ATP9A: variants seen among roughly 807,000 people sequenced by gnomAD.
ATP9A encodes the protein probable phospholipid-transporting ATPase IIA.
A neutral mutation model predicts 144.1 loss-of-function variants in ATP9A; 52 were observed. That is an observed-to-expected ratio of 0.36 (90% CI 0.29 to 0.45). The LOEUF (loss-of-function observed/expected upper bound fraction) is 0.45. Ranked by LOEUF, ATP9A falls within the 20% of genes least tolerant of loss-of-function variation. The probability of loss-of-function intolerance (pLI) is 1.00; values close to 1 mark genes in which losing one functional copy is unlikely to be tolerated. For missense variants in ATP9A, 947 were observed against 1,392.7 expected (o/e 0.68, Z 5.09); for synonymous variants, 582 against 557.4 (o/e 1.04, Z -0.62).
rs1450063658 is a variant in ATP9A at position 51,598,134 on chromosome 20, AAATTACTCAAGATGG to A, written c.*3062_*3076del. 3 of 147,426 alleles carry A rather than the reference AAATTACTCAAGATGG, an allele frequency of 2.0e-5. No individual in the cohort carries two copies. Among genetic ancestry groups the A allele is most frequent in the African/African-American group, 7.5e-5 (3 of 39,792 alleles). 9.1% of individuals were successfully genotyped at this position (147,426 alleles called of 1,614,324 possible). A position where few individuals can be genotyped will look rare whatever the true frequency, so the allele number is the denominator to read the frequency against. ...GAGGATCAAAACTGTCCCACATAAG[AAATTACTCAAGATGG>A]AAAAACTAGTCTGGTGATTTTCTTA... On this transcript the variant is annotated 3_prime_UTR_variant, in exon 28 of 28. Coordinates refer to ENST00000338821, the MANE Select transcript of ATP9A (RefSeq NM_006045.3).
chr20:51,615,634 CTTTTA>C (rs1022784371), intron 22 of ATP9A, among the ~76,000 whole-genome samples: 2 of 152,040 alleles, frequency 1.3e-5, no homozygotes, highest in Admixed American at 6.6e-5. Flanking sequence ...CTTCTAGATT[CTTTTA>C]TTTTATGTTA....
intron 3 of ATP9A, among the ~76,000 whole-genome samples, chr20:51,721,800 C>CAAAAAAA (rs1159903304): frequency 1.2e-5 from 1 of 86,866 alleles, no homozygotes. Flanking sequence ...GACTCCATCT[C>CAAAAAAA]AAAAAAAAAA....
intron 1 of ATP9A, among the ~76,000 whole-genome samples, chr20:51,738,647 T>C (rs1601137990): frequency 6.6e-6 from 1 of 151,442 alleles, no homozygotes; most frequent in Non-Finnish European, 1.5e-5. Flanking sequence ...GAGGCGGAGG[T>C]TGCAGTGAGC....
At chr20:51,752,206 T>C (rs2077835500) in intron 1 of ATP9A, among the ~76,000 whole-genome samples, 1 of 152,226 alleles carries the variant, frequency 6.6e-6, no homozygotes, top group African/African-American at 2.4e-5. Flanking sequence ...GACCCTGGAC[T>C]AGTTAATTAA....
intron 14 of ATP9A, among the ~76,000 whole-genome samples, chr20:51,648,446 A>G (rs1230026115): frequency 6.6e-6 from 1 of 152,238 alleles, no homozygotes; most frequent in Non-Finnish European, 1.5e-5. Context: ...TATGATAGCC[A>G]AAAGGGGGAA....
At chr20:51,686,706 A>C (rs886330915) in intron 9 of ATP9A, among the ~76,000 whole-genome samples, 7 of 152,152 alleles carry the variant, frequency 4.6e-5, no homozygotes, top group African/African-American at 1.4e-4. Context: ...AGGCCGAGGC[A>C]GGTGGATCAC....
chr20:51,669,338 G>A (rs1046296787), intron 13 of ATP9A, among the ~76,000 whole-genome samples: 6 of 152,194 alleles, frequency 3.9e-5, no homozygotes, highest in African/African-American at 1.4e-4. Flanking sequence ...ATATTTGCCA[G>A]TAATACTTTC....
At chr20:51,660,114 A>G (rs534306962) in intron 13 of ATP9A, among the ~76,000 whole-genome samples, 7 of 152,352 alleles carry the variant, frequency 4.6e-5, no homozygotes, top group African/African-American at 1.4e-4. Context: ...GGTTCTAGCC[A>G]CGAACACGTG....
At chr20:51,671,775 C>T (rs1314832166) in intron 11 of ATP9A, among the ~76,000 whole-genome samples, 1 of 152,022 alleles carries the variant, frequency 6.6e-6, no homozygotes, top group African/African-American at 2.4e-5. Context: ...GCAACCAGCA[C>T]TCTACTTACA....
In ATP9A at chr20:51,598,895, C is replaced by T. The variant is rs1433646735; in HGVS notation, c.*2316G>A. ...CTTCTCACCCTTGACCGCCTCCGCC[C>T]CAGTGCGGCTGAGACAACAGAGTAA... On this transcript the variant is annotated 3_prime_UTR_variant, in exon 28 of 28. Transcript: ENST00000338821. 6.6e-6 allele frequency: 1 copy of T among 152,254 alleles called. No individual in the cohort carries two copies. The highest frequency in any genetic ancestry group is 1.5e-5 in the Non-Finnish European group (1 of 68,062). The allele number at this position is 152,254 out of a possible 1,614,324, so 9.4% of individuals were successfully genotyped here. A position where few individuals can be genotyped will look rare whatever the true frequency, so the allele number is the denominator to read the frequency against.
chr20:51,736,601 G>A (rs1286127777), intron 1 of ATP9A, among the ~76,000 whole-genome samples: 1 of 150,330 alleles, frequency 6.7e-6, no homozygotes, highest in Admixed American at 6.7e-5. Flanking sequence ...CTATCCTCCT[G>A]ACTCTTGCTT....
intron 13 of ATP9A, among the ~76,000 whole-genome samples, chr20:51,664,061 G>A (rs2426364): frequency 0.052 from 7,860 of 152,054 alleles, 275 homozygotes; most frequent in Admixed American, 0.087. Context: ...TGTCATCCAG[G>A]CTGGGTGCAG....
At chr20:51,707,072 G>C (rs1416368319) in intron 4 of ATP9A, among the ~76,000 whole-genome samples, 2 of 152,146 alleles carry the variant, frequency 1.3e-5, no homozygotes, top group Admixed American at 6.6e-5. Flanking sequence ...GCCGTCACAG[G>C]CTGCAGCTTT....
intron 3 of ATP9A, among the ~76,000 whole-genome samples, chr20:51,714,158 G>C (rs2077651851): frequency 6.6e-6 from 1 of 151,904 alleles, no homozygotes; most frequent in Admixed American, 6.6e-5. Context: ...GCCCACCTCA[G>C]CCTCCCAAAG....
intron 27 of ATP9A, among the ~76,000 whole-genome samples, chr20:51,603,863 C>A (rs1347337450): frequency 3.9e-5 from 6 of 152,188 alleles, no homozygotes; most frequent in Non-Finnish European, 7.3e-5. Flanking sequence ...TCACTGCAAC[C>A]TTCGCCTCCC....
chr20:51,731,008 A>T (rs1447473126), intron 1 of ATP9A, among the ~76,000 whole-genome samples: 1 of 152,152 alleles, frequency 6.6e-6, no homozygotes, highest in Non-Finnish European at 1.5e-5. Flanking sequence ...CATCTCTATT[A>T]AAAATTAAAT....
At chr20:51,715,804 T>C (rs2904106) in intron 3 of ATP9A, among the ~76,000 whole-genome samples, 37,746 of 152,018 alleles carry the variant, frequency 0.25, 5,017 homozygotes, top group Non-Finnish European at 0.28. Context: ...TTAATATCCA[T>C]TCACAGATAT....
rs374424582 is a variant in ATP9A at position 51,729,948 on chromosome 20, T to A, written c.99A>T (p.Gly33=). Residue 33 remains glycine, a synonymous_variant, in exon 2 of 28, where the codon GGA becomes GGT. Transcript: ENST00000338821. Reference sequence around the variant, plus strand: ...AGACAGTGCGGGGCCTGGCCTCCCCTCCACCGCAGCATCTCAGCCACTCGC... The same window carrying A: ...AGACAGTGCGGGGCCTGGCCTCCCCACCACCGCAGCATCTCAGCCACTCGC... ...GCCEWLRCCG[G]GEARPRTVWL... The A allele has an allele frequency of 6.9e-5, 108 of 1,571,236 alleles. 1 individual carries two copies. Among genetic ancestry groups the A allele is most frequent in the Non-Finnish European group, 9.0e-5 (105 of 1,164,258 alleles).
At chr20:51,683,726 C>A (rs929748646) in intron 9 of ATP9A, among the ~76,000 whole-genome samples, 7 of 152,264 alleles carry the variant, frequency 4.6e-5, no homozygotes, top group South Asian at 2.1e-4. Context: ...TCGTTTTACA[C>A]TTTCATTCCC....
Sources: gnomAD v4.1 joint callset for allele counts (sites outside exome capture counted in the v4.1 genomes callset) on GRCh38, gnomAD v4.1.1 for gene constraint, MANE v1.5 for transcripts, NCBI Gene and HGNC (gene_info 2026-07-23, HGNC 2026-07-21) for gene names.